Variants in TRAK2 observed in about 807,000 individuals in gnomAD.
TRAK2 encodes trafficking kinesin protein 2.
A neutral mutation model predicts 104.6 loss-of-function variants in TRAK2; 81 were observed. The observed-to-expected ratio is 0.77, with a 90% CI of 0.65 to 0.93. The LOEUF is 0.93. Ranked by LOEUF, TRAK2 falls within the 40% of genes least tolerant of loss-of-function variation. The probability of loss-of-function intolerance (pLI) is 0.00; values close to 1 mark genes in which losing one functional copy is unlikely to be tolerated. For synonymous variants in TRAK2, 406 were observed against 394.4 expected, an observed-to-expected ratio of 1.03 and a Z score of -0.35; for missense variants, 1,002 against 1,089.0, an observed-to-expected ratio of 0.92 and a Z score of 1.12.
At position 201,380,828 on chromosome 2, in the gene TRAK2, G is replaced by T. The variant is rs1313019324; in HGVS notation, c.2460C>A (p.Pro820=). The T allele has an allele frequency of 1.2e-6, 2 of 1,613,966 alleles. No homozygotes were observed. The highest frequency in any genetic ancestry group is 1.7e-6 in the Non-Finnish European group (2 of 1,179,998). ...TFLQEMYGLR[P]SRNPPDVGQL... ...GGCCAACATCAGGAGGGTTCCGGGA[G>T]GGTCTCAAGCCATACATCTCCTGGA... The change falls in exon 16 of 16, where the codon CCC becomes CCA. Residue 820 remains proline, a synonymous_variant. Coordinates refer to ENST00000332624, the MANE Select transcript of TRAK2 (RefSeq NM_015049.3).
rs1951404060 is a variant in TRAK2, at chr2:201,387,699, T to C, written c.1696+4A>G. 2 of 1,584,204 alleles carry C rather than the reference T, an allele frequency of 1.3e-6. No homozygotes were observed. Among genetic ancestry groups the C allele is most frequent in the Non-Finnish European group, 1.7e-6 (2 of 1,164,026 alleles). ...CTTAGTAAGGGCCCTTACTGATTTA[T>C]TACCTTCAAGGGGCTTGACAATTTG... is the stretch of plus-strand genomic sequence containing the variant. On this transcript the variant is annotated splice_donor_region_variant and intron_variant, in intron 13 of 15. Transcript: ENST00000332624.
chr2:201,428,016 T>C (rs1250093257), intron 1 of TRAK2, among the ~76,000 whole-genome samples: 1 of 152,202 alleles, frequency 6.6e-6, no homozygotes, highest in Non-Finnish European at 1.5e-5. Flanking sequence ...ATGGGGTTGT[T>C]TGATTTTTTT....
chr2:201,436,076 A>G (rs935547629), intron 1 of TRAK2, among the ~76,000 whole-genome samples: 1 of 152,208 alleles, frequency 6.6e-6, no homozygotes, highest in African/African-American at 2.4e-5. Context: ...CAGGATATTA[A>G]TAAAATATAG....
chr2:201,396,279 A>AC (rs1324294191), intron 7 of TRAK2, among the ~76,000 whole-genome samples: 1 of 152,186 alleles, frequency 6.6e-6, no homozygotes, highest in Non-Finnish European at 1.5e-5. Flanking sequence ...AAAGGTGGGT[A>AC]ATGTTTTCAT....
At chr2:201,387,026 T>C (rs537152241) in intron 13 of TRAK2, among the ~76,000 whole-genome samples, 1 of 152,340 alleles carries the variant, frequency 6.6e-6, no homozygotes, top group South Asian at 2.1e-4. Flanking sequence ...AGTCATTTCA[T>C]CCTAAAAATG....
chr2:201,378,705 T>C lies in TRAK2; in HGVS notation c.*1838A>G, dbSNP rs1326303700. 2.6e-5 allele frequency: 4 copies of C among 152,204 alleles called. No homozygotes were observed. Among genetic ancestry groups the C allele is most frequent in the African/African-American group, 2.4e-5 (1 of 41,444 alleles). 9.4% of individuals were successfully genotyped at this position (152,204 alleles called of 1,614,324 possible). ...ATCCTTTCTGAAACTCTACACTCTA[T>C]TGACCTCAGCACAACTGAGTGAAGG... On this transcript the variant is annotated 3_prime_UTR_variant, in exon 16 of 16. Coordinates refer to ENST00000332624, the MANE Select transcript of TRAK2 (RefSeq NM_015049.3).
At chr2:201,413,336 C>A (rs1400660419) in intron 2 of TRAK2, 1 of 1,021,768 alleles carries the variant, frequency 9.8e-7, no homozygotes, top group Non-Finnish European at 1.4e-6. Context: ...GTTATAGTTA[C>A]CTTTTCCCTC....
intron 1 of TRAK2, among the ~76,000 whole-genome samples, chr2:201,425,857 C>A (rs56211022): frequency 6.6e-6 from 1 of 152,208 alleles, no homozygotes; most frequent in East Asian, 1.9e-4. Context: ...AACAGAGCTG[C>A]GGTTCTTTTA....
At chr2:201,450,232 T>C (rs907156002) in intron 1 of TRAK2, among the ~76,000 whole-genome samples, 3 of 151,844 alleles carry the variant, frequency 2.0e-5, no homozygotes, top group Admixed American at 1.3e-4. Flanking sequence ...CTGGCCAACA[T>C]GGTGAAACCC....
intron 5 of TRAK2, among the ~76,000 whole-genome samples, chr2:201,399,088 A>T (rs1199786083): frequency 1.0e-5 from 1 of 98,362 alleles, no homozygotes; most frequent in Non-Finnish European, 2.7e-5. Context: ...AAGATCACAC[A>T]CAAAGTCTAC....
chr2:201,397,897 G>A (rs758805361), intron 6 of TRAK2: 19 of 556,944 alleles, frequency 3.4e-5, no homozygotes, highest in Admixed American at 9.3e-5. Context: ...AGTTACTTGC[G>A]TAAACTCCAC....
At chr2:201,395,269 T>C (rs944676694) in intron 8 of TRAK2, 45 bp downstream of exon 8, 14 of 1,526,434 alleles carry the variant, frequency 9.2e-6, no homozygotes, top group Middle Eastern at 1.7e-4. Context: ...CAAGATACTA[T>C]GTGAGTGCTT....
chr2:201,409,475 T>C (rs1433037221), intron 2 of TRAK2, among the ~76,000 whole-genome samples: 1 of 152,178 alleles, frequency 6.6e-6, no homozygotes, highest in Non-Finnish European at 1.5e-5. Context: ...TCAGAGTGCT[T>C]TGTCAAATAT....
chr2:201,398,025 C>T, intron 6 of TRAK2, 120 bp downstream of exon 6: 1 of 940,300 alleles, frequency 1.1e-6, no homozygotes, highest in Non-Finnish European at 1.6e-6. Context: ...TTGTCCACGA[C>T]TCTCTAATTG....
rs780668524 is a variant in TRAK2 at position 201,407,402 on chromosome 2, C to G, written c.286+1G>C. 1.2e-6 allele frequency: 2 copies of G among 1,611,668 alleles called. No homozygotes were observed. Among genetic ancestry groups the G allele is most frequent in the Non-Finnish European group, 1.7e-6 (2 of 1,179,026 alleles). On this transcript the variant is annotated splice_donor_variant, in intron 3 of 15. Transcript: ENST00000332624. LOFTEE classifies it high-confidence loss of function. Reference sequence around the variant, plus strand: ...ACTAAAAGAGTAAAAAAAATACTCACTCATGTAACGGAAAGTCTCTTCAGC... The same window carrying G: ...ACTAAAAGAGTAAAAAAAATACTCAGTCATGTAACGGAAAGTCTCTTCAGC...
intron 15 of TRAK2, 27 bp from the exon 16 acceptor site, chr2:201,381,245 G>A (rs373346297): frequency 8.4e-6 from 13 of 1,549,534 alleles, no homozygotes; most frequent in Non-Finnish European, 1.0e-5. Flanking sequence ...AAAAGTGGGA[G>A]ACAGTGTTTA....
At chr2:201,392,615 G>A (rs1425854147) in intron 10 of TRAK2, among the ~76,000 whole-genome samples, 1 of 152,118 alleles carries the variant, frequency 6.6e-6, no homozygotes, top group Non-Finnish European at 1.5e-5. Context: ...CCTAGGGTAG[G>A]ATGACCCAAG....
At position 201,412,880 on chromosome 2, in the gene TRAK2, T is replaced by C. The variant is rs1295386051; in HGVS notation, c.92-5283A>G. 3 of 797,412 alleles carry C rather than the reference T, an allele frequency of 3.8e-6. No homozygotes were observed. In the African/African-American group the frequency reaches 5.1e-5, roughly 14 times the overall value. 49.4% of individuals were successfully genotyped at this position (797,412 alleles called of 1,614,324 possible). ...TCTACATCATAAAGTTTATAATCCT[T>C]AATGTCTGGAGATATAGGGAAAGGG... On this transcript the variant is annotated intron_variant, in intron 2 of 15. Coordinates refer to ENST00000332624, the MANE Select transcript of TRAK2 (RefSeq NM_015049.3).
At chr2:201,433,515 A>G (rs1951858851) in intron 1 of TRAK2, 1 of 152,190 alleles carries the variant, frequency 6.6e-6, no homozygotes, top group Non-Finnish European at 1.5e-5. Flanking sequence ...AAACGTCCAA[A>G]ACCGTGTGTG....
Sources: gnomAD v4.1 joint callset for allele counts (sites outside exome capture counted in the v4.1 genomes callset) on GRCh38, gnomAD v4.1.1 for gene constraint, MANE v1.5 for transcripts, NCBI Gene and HGNC (gene_info 2026-07-23, HGNC 2026-07-21) for gene names.